Variants in HS3ST5 observed in about 807,000 individuals in gnomAD.
HS3ST5 encodes heparan sulfate-glucosamine 3-sulfotransferase 5, also known as heparan sulfate glucosamine 3-O-sulfotransferase 5.
A neutral mutation model predicts 25.4 loss-of-function variants in HS3ST5; 10 were observed. The observed-to-expected ratio is 0.39, with a 90% CI of 0.24 to 0.67. The LOEUF (loss-of-function observed/expected upper bound fraction) is 0.67. Among genes scored for constraint, HS3ST5 ranks in the 30% least tolerant of loss-of-function variants. The probability of loss-of-function intolerance (pLI) is 0.44; values close to 1 mark genes in which losing one functional copy is unlikely to be tolerated. For missense variants in HS3ST5, 324 were observed against 420.7 expected, an observed-to-expected ratio of 0.77 and a Z score of 2.01; for synonymous variants, 170 against 162.4, an observed-to-expected ratio of 1.05 and a Z score of -0.36.
At chr6:114,077,565 A>T (rs1774210467) in intron 3 of HS3ST5, among the ~76,000 whole-genome samples, 1 of 152,212 alleles carries the variant, frequency 6.6e-6, no homozygotes, top group Admixed American at 6.5e-5. Flanking sequence ...ACATGGTCCA[A>T]ACATCATTCT....
chr6:114,165,548 A>G (rs1170758658), intron 3 of HS3ST5, among the ~76,000 whole-genome samples: 1 of 152,156 alleles, frequency 6.6e-6, no homozygotes, highest in Non-Finnish European at 1.5e-5. Context: ...TTTCAAAGCT[A>G]TTTCACAAAT....
chr6:114,076,788 G>A (rs936169651), intron 3 of HS3ST5, among the ~76,000 whole-genome samples: 3 of 152,210 alleles, frequency 2.0e-5, no homozygotes, highest in South Asian at 2.1e-4. Context: ...TGTTGTGCAC[G>A]TGTCAAGTCG....
intron 3 of HS3ST5, among the ~76,000 whole-genome samples, chr6:114,118,740 T>G (rs1315688768): frequency 6.6e-6 from 1 of 152,208 alleles, no homozygotes; most frequent in Non-Finnish European, 1.5e-5. Context: ...AGGAGAGTAT[T>G]TCTCCATCCC....
intron 2 of HS3ST5, among the ~76,000 whole-genome samples, chr6:114,207,555 T>A (rs1286886585): frequency 6.6e-6 from 1 of 152,162 alleles, no homozygotes; most frequent in Non-Finnish European, 1.5e-5. Context: ...TACTGTTTCA[T>A]GCCAAGCATT....
intron 1 of HS3ST5, among the ~76,000 whole-genome samples, chr6:114,236,364 A>G (rs1771854806): frequency 6.6e-6 from 1 of 152,228 alleles, no homozygotes; most frequent in Admixed American, 6.5e-5. Context: ...AATAATTGTA[A>G]TAGGCTGAAA....
chr6:114,311,593 A>AGT (rs1180098589), intron 1 of HS3ST5, among the ~76,000 whole-genome samples: 1 of 114,446 alleles, frequency 8.7e-6, no homozygotes, highest in East Asian at 3.0e-4. Context: ...CACAGGCTGG[A>AGT]GTGCTATGGC....
At position 114,113,490 on chromosome 6, in the gene HS3ST5, CCTT is replaced by C. The variant is rs1776368181; in HGVS notation, c.-32-50616_-32-50614del. Reference sequence around the variant, plus strand: ...ACCCAGGAGAGTTGTATTTGCTATTCCTTCTGCTTGGAATGATCTTCCTCTCCT... The same window carrying C: ...ACCCAGGAGAGTTGTATTTGCTATTCCTGCTTGGAATGATCTTCCTCTCCT... On this transcript the variant is annotated intron_variant, in intron 3 of 4. Transcript: ENST00000312719. Among the ~76,000 whole-genome samples the C allele has an allele frequency of 2.0e-5, 3 of 151,888 alleles. No individual in the cohort carries two copies. In the South Asian group the frequency reaches 6.2e-4, roughly 32 times the overall value.
chr6:114,262,326 T>A (rs1773210368), intron 1 of HS3ST5, among the ~76,000 whole-genome samples: 1 of 152,142 alleles, frequency 6.6e-6, no homozygotes, highest in South Asian at 2.1e-4. Context: ...GGAGGGCTGA[T>A]CACAAGTTCA....
intron 2 of HS3ST5, among the ~76,000 whole-genome samples, chr6:114,203,905 G>A (rs1241212028): frequency 6.6e-6 from 1 of 152,136 alleles, no homozygotes; most frequent in Non-Finnish European, 1.5e-5. Flanking sequence ...TGTGCAGCAG[G>A]CAAGAGGAAC....
intron 1 of HS3ST5, among the ~76,000 whole-genome samples, chr6:114,329,441 C>G (rs541369325): frequency 6.6e-6 from 1 of 152,286 alleles, no homozygotes; most frequent in Admixed American, 6.5e-5. Context: ...GTCTGCTTTG[C>G]TCCACGGGAT....
chr6:114,319,493 G>T (rs1454756199), intron 1 of HS3ST5, among the ~76,000 whole-genome samples: 1 of 151,952 alleles, frequency 6.6e-6, no homozygotes, highest in Non-Finnish European at 1.5e-5. Flanking sequence ...TTTGTTAAGG[G>T]GCAACATCAA....
intron 1 of HS3ST5, among the ~76,000 whole-genome samples, chr6:114,277,593 C>G (rs1773917524): frequency 6.6e-6 from 1 of 151,728 alleles, no homozygotes. Flanking sequence ...ATTTGTATCT[C>G]TGGAGTTAAT....
intron 1 of HS3ST5, among the ~76,000 whole-genome samples, chr6:114,341,098 C>T (rs1776810718): frequency 6.9e-6 from 1 of 145,858 alleles, no homozygotes; most frequent in Admixed American, 6.8e-5. Context: ...TAAATCTCTC[C>T]CCAGTGTTTT....
chr6:114,268,463 C>T (rs1020709132), intron 1 of HS3ST5, among the ~76,000 whole-genome samples: 6 of 152,122 alleles, frequency 3.9e-5, no homozygotes, highest in African/African-American at 1.4e-4. Context: ...ATAATCAATA[C>T]TTTAAACCTG....
chr6:114,146,317 C>T (rs758202899), intron 3 of HS3ST5, among the ~76,000 whole-genome samples: 7 of 152,218 alleles, frequency 4.6e-5, no homozygotes, highest in Non-Finnish European at 7.3e-5. Flanking sequence ...ACAGAAGATA[C>T]AGTTGGCTGA....
chr6:114,058,330 T>A (rs1197932811), intron 4 of HS3ST5, 140 bp from the exon 5 acceptor site: 1 of 659,846 alleles, frequency 1.5e-6, no homozygotes, highest in Non-Finnish European at 2.5e-6. Flanking sequence ...AACATATGTT[T>A]GGGAAATTTT....
At chr6:114,270,073 T>C (rs528266298) in intron 1 of HS3ST5, among the ~76,000 whole-genome samples, 6 of 152,326 alleles carry the variant, frequency 3.9e-5, no homozygotes, top group East Asian at 3.9e-4. Context: ...TTAGCTGCGG[T>C]GGCACCACGT....
intron 3 of HS3ST5, among the ~76,000 whole-genome samples, chr6:114,103,926 C>T (rs1775866631): frequency 6.9e-6 from 1 of 145,280 alleles, no homozygotes; most frequent in Non-Finnish European, 1.5e-5. Context: ...TGGTCTCGAT[C>T]TCCTGACCTC....
chr6:114,298,475 T>A (rs1026177922), intron 1 of HS3ST5, among the ~76,000 whole-genome samples: 15 of 152,272 alleles, frequency 9.9e-5, no homozygotes, highest in African/African-American at 3.6e-4. Context: ...TTCACAATTC[T>A]ATGAGGTAGG....
Sources: gnomAD v4.1 joint callset for allele counts (sites outside exome capture counted in the v4.1 genomes callset) on GRCh38, gnomAD v4.1.1 for gene constraint, MANE v1.5 for transcripts, NCBI Gene and HGNC (gene_info 2026-07-23, HGNC 2026-07-21) for gene names.